SQOR: variants seen among roughly 807,000 people sequenced by gnomAD.
The protein encoded by SQOR is sulfide quinone oxidoreductase.
A neutral mutation model predicts 48.6 loss-of-function variants in SQOR; 39 were observed. That is an observed-to-expected ratio of 0.80 (90% CI 0.62 to 1.05). The LOEUF is 1.05. Among genes scored for constraint, SQOR ranks in the 50% least tolerant of loss-of-function variants. SQOR has a pLI of 0.00. For synonymous variants in SQOR, 220 were observed against 206.2 expected, an observed-to-expected ratio of 1.07 and a Z score of -0.57; for missense variants, 561 against 559.9, an observed-to-expected ratio of 1.00 and a Z score of -0.02.
chr15:45,662,249 G>A (rs1311076107), intron 3 of SQOR, 124 bp downstream of exon 3: 18 of 1,019,248 alleles, frequency 1.8e-5, no homozygotes, highest in Admixed American at 2.3e-5. Context: ...ATGAACGTAT[G>A]TGTGTTGAAT....
intron 4 of SQOR, among the ~76,000 whole-genome samples, chr15:45,672,428 G>A (rs972012241): frequency 6.6e-6 from 1 of 151,426 alleles, no homozygotes; most frequent in African/African-American, 2.4e-5. Context: ...ACTGTAACAG[G>A]GGTGAACAGT....
At chr15:45,670,802 C>A (rs1023407901) in intron 4 of SQOR, among the ~76,000 whole-genome samples, 3 of 152,114 alleles carry the variant, frequency 2.0e-5, no homozygotes, top group African/African-American at 7.2e-5. Context: ...TTCAGAGAAG[C>A]TACAAGTTGT....
chr15:45,666,293 A>G (rs1310145608), intron 3 of SQOR, among the ~76,000 whole-genome samples: 1 of 152,138 alleles, frequency 6.6e-6, no homozygotes, highest in Non-Finnish European at 1.5e-5. Flanking sequence ...GTGATTTAGT[A>G]ATTATTTGTG....
intron 6 of SQOR, among the ~76,000 whole-genome samples, chr15:45,678,052 A>G (rs1263115853): frequency 6.6e-6 from 1 of 152,156 alleles, no homozygotes; most frequent in African/African-American, 2.4e-5. Flanking sequence ...GCATTGTGCC[A>G]TTCTAAGGTA....
At chr15:45,686,007 A>G (rs993634320) in intron 7 of SQOR, among the ~76,000 whole-genome samples, 1 of 130,698 alleles carries the variant, frequency 7.7e-6, no homozygotes, top group Middle Eastern at 4.4e-3. Context: ...GTGTCACCAT[A>G]CCCAGCTAAT....
intron 9 of SQOR, 67 bp from the exon 10 acceptor site, chr15:45,690,906 A>G (rs1273758030): frequency 7.1e-7 from 1 of 1,401,380 alleles, no homozygotes; most frequent in Non-Finnish European, 1.0e-6. Flanking sequence ...CCCTTTCAGC[A>G]TCCTCCTGAC....
chr15:45,661,593 A>G (rs1889722015), intron 2 of SQOR, among the ~76,000 whole-genome samples: 1 of 152,170 alleles, frequency 6.6e-6, no homozygotes, highest in Non-Finnish European at 1.5e-5. Flanking sequence ...TGCTGGGCTT[A>G]ATTTTTAAAA....
At chr15:45,664,436 T>TC (rs1268468896) in intron 3 of SQOR, among the ~76,000 whole-genome samples, 3 of 151,940 alleles carry the variant, frequency 2.0e-5, no homozygotes, top group South Asian at 2.1e-4. Context: ...GGTATATGTG[T>TC]CCCCCCCATC....
intron 1 of SQOR, among the ~76,000 whole-genome samples, chr15:45,651,928 G>T (rs774665814): frequency 1.7e-4 from 25 of 151,352 alleles, no homozygotes; most frequent in Non-Finnish European, 3.1e-4. Context: ...TCACTCTGTT[G>T]CCCAGGCTGG....
intron 4 of SQOR, among the ~76,000 whole-genome samples, chr15:45,671,404 C>T (rs533308824): frequency 5.3e-5 from 8 of 152,228 alleles, no homozygotes; most frequent in Non-Finnish European, 8.8e-5. Context: ...GTGATCCACC[C>T]GCCTCAGCCT....
intron 1 of SQOR, among the ~76,000 whole-genome samples, chr15:45,650,268 G>A (rs1889450913): frequency 6.6e-6 from 1 of 152,182 alleles, no homozygotes; most frequent in African/African-American, 2.4e-5. Context: ...TCCGGAATTG[G>A]TGGGTTCTTG....
chr15:45,674,189 C>A (rs1483710324), intron 5 of SQOR, among the ~76,000 whole-genome samples: 1 of 152,176 alleles, frequency 6.6e-6, no homozygotes, highest in Non-Finnish European at 1.5e-5. Flanking sequence ...CTAATCCCAG[C>A]ACTTTGGGAG....
chr15:45,683,854 A>G (rs1267841363), intron 7 of SQOR, among the ~76,000 whole-genome samples: 3 of 149,056 alleles, frequency 2.0e-5, no homozygotes, highest in African/African-American at 7.4e-5. Context: ...TGTATATATT[A>G]TGTGTGTGTG....
intron 1 of SQOR, among the ~76,000 whole-genome samples, chr15:45,650,574 C>T (rs947404703): frequency 6.6e-6 from 1 of 152,218 alleles, no homozygotes; most frequent in Non-Finnish European, 1.5e-5. Flanking sequence ...CCAGAAAGGA[C>T]TGCCACCGCT....
intron 3 of SQOR, among the ~76,000 whole-genome samples, chr15:45,663,027 A>G (rs952434864): frequency 2.0e-5 from 3 of 151,578 alleles, no homozygotes; most frequent in African/African-American, 7.3e-5. Context: ...CTGAGGCATT[A>G]TTTTTTTTGA....
At chr15:45,675,669 G>A (rs547190825) in intron 5 of SQOR, among the ~76,000 whole-genome samples, 1 of 152,236 alleles carries the variant, frequency 6.6e-6, no homozygotes, top group Admixed American at 6.5e-5. Context: ...CAAAGTGCTA[G>A]GATTACAGGT....
At chr15:45,650,396 T>C (rs765215827) in intron 1 of SQOR, among the ~76,000 whole-genome samples, 8 of 152,202 alleles carry the variant, frequency 5.3e-5, no homozygotes, top group Non-Finnish European at 7.4e-5. Context: ...AGTTTCTTTC[T>C]TCCTTCTGGT....
chr15:45,689,333 T>C (rs1890280422), intron 9 of SQOR, 116 bp downstream of exon 9: 5 of 956,678 alleles, frequency 5.2e-6, no homozygotes, highest in Non-Finnish European at 6.2e-6. Context: ...CTGTCTTCCA[T>C]GCTCTAGGCC....
intron 1 of SQOR, among the ~76,000 whole-genome samples, chr15:45,645,554 A>G (rs572357833): frequency 1.3e-5 from 2 of 152,250 alleles, no homozygotes; most frequent in African/African-American, 4.8e-5. Context: ...AAAGGCGAAC[A>G]CTCCCGTGAA....
Sources: gnomAD v4.1 joint callset for allele counts (sites outside exome capture counted in the v4.1 genomes callset) on GRCh38, gnomAD v4.1.1 for gene constraint, MANE v1.5 for transcripts, NCBI Gene and HGNC (gene_info 2026-07-23, HGNC 2026-07-21) for gene names.